PDE4D: variants seen among roughly 807,000 people sequenced by gnomAD.
PDE4D encodes the protein phosphodiesterase 4D.
Under a neutral mutation model 87.4 loss-of-function variants are expected in PDE4D, and 24 were observed. The ratio of observed to expected loss-of-function variants is 0.27; its 90% CI spans 0.20 to 0.39. The LOEUF is 0.39. PDE4D is among the 10% of genes least tolerant of loss of function. PDE4D has a pLI of 1.00. For synonymous variants in PDE4D, 384 were observed against 383.2 expected (o/e 1.00, Z -0.02); for missense variants, 714 against 1,041.0 (o/e 0.69, Z 4.32).
At chr5:60,104,679 A>T (rs1358655960) in intron 2 of PDE4D, among the ~76,000 whole-genome samples, 1 of 152,224 alleles carries the variant, frequency 6.6e-6, no homozygotes, top group African/African-American at 2.4e-5. Flanking sequence ...CAGAGGAACC[A>T]TCAGACAGCA....
chr5:59,217,454 C>A (rs1751511038), intron 1 of PDE4D: 6 of 346,370 alleles, frequency 1.7e-5, no homozygotes, highest in South Asian at 1.1e-4. Flanking sequence ...AATCTGTGAT[C>A]AAATAACAGT....
At chr5:59,517,787 A>G (rs1811443798) in intron 1 of PDE4D, among the ~76,000 whole-genome samples, 1 of 152,216 alleles carries the variant, frequency 6.6e-6, no homozygotes, top group South Asian at 2.1e-4. Flanking sequence ...CGTTATTCAC[A>G]TTTAATAGCA....
intron 1 of PDE4D, among the ~76,000 whole-genome samples, chr5:60,295,967 G>A (rs1021641706): frequency 6.6e-6 from 1 of 152,178 alleles, no homozygotes; most frequent in Non-Finnish European, 1.5e-5. Flanking sequence ...AGAATTTGAT[G>A]TCTAATAAGG....
At chr5:59,496,299 G>A (rs1807175651) in intron 1 of PDE4D, among the ~76,000 whole-genome samples, 1 of 152,184 alleles carries the variant, frequency 6.6e-6, no homozygotes, top group Non-Finnish European at 1.5e-5. Flanking sequence ...GTCTCTACCC[G>A]CTAGGGTCTT....
intron 1 of PDE4D, among the ~76,000 whole-genome samples, chr5:59,240,026 C>T (rs949566410): frequency 1.3e-5 from 2 of 152,116 alleles, no homozygotes; most frequent in Non-Finnish European, 2.9e-5. Flanking sequence ...ATAAGATGGT[C>T]TTAATTTTAC....
intron 1 of PDE4D, among the ~76,000 whole-genome samples, chr5:59,591,363 T>C (rs2153703364): frequency 6.6e-6 from 1 of 152,278 alleles, no homozygotes; most frequent in East Asian, 1.9e-4. Context: ...AGTCACACCC[T>C]AGTTCCTGAG....
intron 6 of PDE4D, among the ~76,000 whole-genome samples, chr5:59,018,550 G>A (rs575622063): frequency 6.6e-6 from 1 of 152,156 alleles, no homozygotes; most frequent in Admixed American, 6.5e-5. Context: ...TAAAAAACAC[G>A]AAAAGCCTTA....
chr5:60,284,751 G>A (rs909112943), intron 1 of PDE4D, among the ~76,000 whole-genome samples: 7 of 152,114 alleles, frequency 4.6e-5, no homozygotes, highest in African/African-American at 1.7e-4. Flanking sequence ...TCTCATGTTA[G>A]AAGCCCTCTC....
At chr5:59,008,304 T>C (rs545325540) in intron 6 of PDE4D, among the ~76,000 whole-genome samples, 2 of 152,082 alleles carry the variant, frequency 1.3e-5, no homozygotes, top group South Asian at 4.1e-4. Context: ...GTTACTAATG[T>C]CCCCTCTGTA....
At chr5:59,606,954 T>C (rs1265021600) in intron 1 of PDE4D, among the ~76,000 whole-genome samples, 1 of 152,048 alleles carries the variant, frequency 6.6e-6, no homozygotes, top group Non-Finnish European at 1.5e-5. Context: ...GAAGGGGACA[T>C]GTTTTATAAT....
chr5:59,375,754 A>G (rs1358634033), intron 1 of PDE4D, among the ~76,000 whole-genome samples: 1 of 152,204 alleles, frequency 6.6e-6, no homozygotes, highest in African/African-American at 2.4e-5. Context: ...ACTCAGACCA[A>G]TATTCTTGAT....
intron 6 of PDE4D, among the ~76,000 whole-genome samples, chr5:59,008,298 C>T (rs1290943331): frequency 6.6e-6 from 1 of 151,948 alleles, no homozygotes; most frequent in Non-Finnish European, 1.5e-5. Context: ...AAAATAGTTA[C>T]TAATGTCCCC....
chr5:59,409,807 G>A (rs536160082), intron 1 of PDE4D, among the ~76,000 whole-genome samples: 15 of 152,152 alleles, frequency 9.9e-5, no homozygotes, highest in African/African-American at 3.6e-4. Flanking sequence ...GGGTAATTGA[G>A]GAATAAAGAC....
chr5:60,366,977 CAA>C (rs1338658953), intron 1 of PDE4D, among the ~76,000 whole-genome samples: 1 of 151,992 alleles, frequency 6.6e-6, no homozygotes, highest in African/African-American at 2.4e-5. Flanking sequence ...CACACCAGAC[CAA>C]GAGAGGAGAA....
chr5:59,098,043 C>A lies in PDE4D; in HGVS notation c.809-59072G>T, dbSNP rs188878606. The stretch of plus-strand genomic sequence containing the variant: ...CAAATGTACCTTTAACTCCCAAATT[C>A]CCAACTTCCAATATTTTTTAAATTC... On this transcript the variant is annotated intron_variant, in intron 5 of 14. Transcript: ENST00000340635. 7.9e-5 allele frequency among the ~76,000 whole-genome samples: 12 copies of A among 152,316 alleles called. No homozygotes were observed. In the East Asian group the frequency reaches 2.1e-3, roughly 27 times the overall value.
At chr5:60,256,913 G>T (rs186640545) in intron 1 of PDE4D, among the ~76,000 whole-genome samples, 2 of 151,604 alleles carry the variant, frequency 1.3e-5, no homozygotes, top group Non-Finnish European at 1.5e-5. Flanking sequence ...TTTCACATAC[G>T]TATATCTACA....
chr5:59,155,045 G>A (rs1779963925), intron 5 of PDE4D, among the ~76,000 whole-genome samples: 1 of 152,170 alleles, frequency 6.6e-6, no homozygotes, highest in Admixed American at 6.5e-5. Context: ...TTGAAGAGTT[G>A]GATATCAATG....
intron 1 of PDE4D, among the ~76,000 whole-genome samples, chr5:59,851,635 G>T (rs528993324): frequency 6.6e-6 from 1 of 152,060 alleles, no homozygotes; most frequent in African/African-American, 2.4e-5. Context: ...GGACTATTTT[G>T]CTGGTGGGCC....
intron 2 of PDE4D, among the ~76,000 whole-genome samples, chr5:60,004,844 C>T (rs151280912): frequency 9.3e-4 from 142 of 152,216 alleles, no homozygotes; most frequent in Non-Finnish European, 1.5e-3. Flanking sequence ...ACGCTTGTAG[C>T]ACTGCGGTGA....
Sources: gnomAD v4.1 joint callset for allele counts (sites outside exome capture counted in the v4.1 genomes callset) on GRCh38, gnomAD v4.1.1 for gene constraint, MANE v1.5 for transcripts, NCBI Gene and HGNC (gene_info 2026-07-23, HGNC 2026-07-21) for gene names.